ARMC8: variants seen among roughly 807,000 people sequenced by gnomAD.
ARMC8 encodes armadillo repeat containing 8.
In ARMC8, 20 loss-of-function variants were observed where a neutral mutation model predicts 99.3. The ratio of observed to expected loss-of-function variants is 0.20; its 90% CI spans 0.14 to 0.29. ARMC8 has a LOEUF of 0.29. ARMC8 is among the 10% of genes least tolerant of loss of function. The probability of loss-of-function intolerance (pLI) is 1.00; values close to 1 mark genes in which losing one functional copy is unlikely to be tolerated. For synonymous variants in ARMC8, 263 were observed against 278.3 expected (o/e 0.95, Z 0.55); for missense variants, 569 against 809.5 (o/e 0.70, Z 3.60).
At chr3:138,225,223 A>G (rs1028580110) in intron 5 of ARMC8, among the ~76,000 whole-genome samples, 4 of 147,512 alleles carry the variant, frequency 2.7e-5, no homozygotes, top group Non-Finnish European at 4.4e-5. Context: ...CTCCTGCCTC[A>G]GCCTCCCGAG....
rs533234238 is a variant in ARMC8, at chr3:138,298,224, A to G, written c.*2332A>G. On this transcript the variant is annotated 3_prime_UTR_variant, in exon 22 of 22. Transcript: ENST00000469044. ...TTTCTCCTTTTGTGCCCTGATTGTA[A>G]TCCAAAATTTATGAACTAGAAAAGA... is the stretch of plus-strand genomic sequence containing the variant. The G allele has an allele frequency of 2.6e-5, 4 of 152,306 alleles. No individual in the cohort carries two copies. The East Asian group carries it at 7.7e-4, about 29-fold the overall frequency. The allele number at this position is 152,306 out of a possible 1,614,324, so 9.4% of individuals were successfully genotyped here. A position where few individuals can be genotyped will look rare whatever the true frequency, so the allele number is the denominator to read the frequency against.
rs149272009 is a variant in ARMC8 at position 138,259,370 on chromosome 3, G to T, written c.1135-4369G>T. 4.7e-3 allele frequency among the ~76,000 whole-genome samples: 717 copies of T among 152,250 alleles called. 4 individuals carry two copies. Among genetic ancestry groups the T allele is most frequent in the Non-Finnish European group, 8.0e-3 (545 of 68,012 alleles). On this transcript the variant is annotated intron_variant, in intron 12 of 21. Coordinates refer to ENST00000469044, the MANE Select transcript of ARMC8 (RefSeq NM_001363941.2). ...CATTTTTGTCCTCATTTTTGTCAGT[G>T]TATTCACTATAGTGCCCTTTGTATC...
chr3:138,262,346 G>A (rs2047826363), intron 12 of ARMC8: 2 of 635,474 alleles, frequency 3.1e-6, no homozygotes, highest in Non-Finnish European at 5.3e-6. Flanking sequence ...TAAATGTTTT[G>A]GAAACTAAAA....
intron 12 of ARMC8, among the ~76,000 whole-genome samples, chr3:138,254,720 C>G (rs552325501): frequency 2.0e-4 from 30 of 152,154 alleles, no homozygotes; most frequent in Admixed American, 1.2e-3. Flanking sequence ...TATGTTTATA[C>G]CTTTGGTTTT....
chr3:138,193,078 C>T (rs1436711476), intron 1 of ARMC8, among the ~76,000 whole-genome samples: 2 of 151,850 alleles, frequency 1.3e-5, no homozygotes, highest in Non-Finnish European at 2.9e-5. Flanking sequence ...AAGCGATTCT[C>T]CTCTCTCAGC....
chr3:138,215,395 T>A (rs1328515195), intron 2 of ARMC8, among the ~76,000 whole-genome samples: 1 of 152,018 alleles, frequency 6.6e-6, no homozygotes, highest in Non-Finnish European at 1.5e-5. Context: ...TTTTTGTATT[T>A]TTAGTAGAGA....
intron 12 of ARMC8, chr3:138,245,681 T>G: frequency 1.0e-6 from 1 of 993,062 alleles, no homozygotes; most frequent in Non-Finnish European, 1.2e-6. Flanking sequence ...TGTGGAATGA[T>G]GATTTTATGT....
At chr3:138,265,699 G>C (rs1213408346) in intron 14 of ARMC8, among the ~76,000 whole-genome samples, 1 of 151,914 alleles carries the variant, frequency 6.6e-6, no homozygotes, top group Non-Finnish European at 1.5e-5. Context: ...GTAGGGAACG[G>C]CAAGTATACC....
intron 5 of ARMC8, among the ~76,000 whole-genome samples, chr3:138,227,615 A>G (rs1483180968): frequency 6.6e-6 from 1 of 152,232 alleles, no homozygotes; most frequent in Non-Finnish European, 1.5e-5. Flanking sequence ...TGGCTTTTAC[A>G]TATCTTGGGC....
At chr3:138,207,659 T>C (rs2044449606) in intron 1 of ARMC8, among the ~76,000 whole-genome samples, 1 of 152,214 alleles carries the variant, frequency 6.6e-6, no homozygotes, top group African/African-American at 2.4e-5. Context: ...ATAGTAGTGC[T>C]TTTTTTCAGT....
intron 12 of ARMC8, among the ~76,000 whole-genome samples, chr3:138,260,904 C>A (rs1232027491): frequency 1.3e-5 from 2 of 152,198 alleles, no homozygotes; most frequent in Non-Finnish European, 2.9e-5. Context: ...GTAACTATAT[C>A]CAGTACAGGC....
chr3:138,285,427 C>T (rs2050312938), intron 19 of ARMC8, among the ~76,000 whole-genome samples: 1 of 150,962 alleles, frequency 6.6e-6, no homozygotes, highest in South Asian at 2.1e-4. Flanking sequence ...TCTTATTCCT[C>T]TCTTCCTTTG....
In ARMC8 at chr3:138,264,146, A is replaced by G; in HGVS notation, c.1233A>G (p.Leu411=). The part of the protein sequence containing the change: ...RLAAVRCLHS[L]SRSVQQLRTS... ...TTCTTTGTAGATGTTTGCACAGTTT[A>G]TCCAGATCTGTGCAGCAGCTTCGAA... The change falls in exon 14 of 22, where the codon TTA becomes TTG. Residue 411 remains leucine, a synonymous_variant. Transcript: ENST00000469044. 1 of 1,613,510 alleles carries G rather than the reference A, an allele frequency of 6.2e-7. No homozygotes were observed. The highest frequency in any genetic ancestry group is 8.5e-7 in the Non-Finnish European group (1 of 1,179,438).
At position 138,188,505 on chromosome 3, in the gene ARMC8, A is replaced by AT. The variant is rs766758208; in HGVS notation, c.45+908dup. 3 of 1,613,940 alleles carry AT rather than the reference A, an allele frequency of 1.9e-6. No homozygotes were observed. In the Admixed American group the frequency reaches 5.0e-5, roughly 27 times the overall value. On this transcript the variant is annotated intron_variant, in intron 1 of 21. Coordinates refer to ENST00000469044, the MANE Select transcript of ARMC8 (RefSeq NM_001363941.2). ...ATAACTTCGAAGGATTTTGCAACAA[A>AT]TTCGAGCTGTCCGACTCTGAGAATG...
chr3:138,293,089 A>G (rs2051127359), intron 21 of ARMC8, among the ~76,000 whole-genome samples: 1 of 152,154 alleles, frequency 6.6e-6, no homozygotes, highest in Non-Finnish European at 1.5e-5. Context: ...GCATCTGTAG[A>G]ACACGTCACA....
intron 2 of ARMC8, among the ~76,000 whole-genome samples, chr3:138,216,941 C>T (rs1489361320): frequency 1.3e-5 from 2 of 152,120 alleles, no homozygotes; most frequent in Non-Finnish European, 2.9e-5. Flanking sequence ...AGTCAGTGAC[C>T]CTGTAAGAAT....
At chr3:138,241,634 A>G in intron 10 of ARMC8, 149 bp from the exon 11 acceptor site, 1 of 721,060 alleles carries the variant, frequency 1.4e-6, no homozygotes, top group East Asian at 2.8e-5. Flanking sequence ...TTGCATTTTA[A>G]AAAAATCTTT....
intron 12 of ARMC8, among the ~76,000 whole-genome samples, chr3:138,258,537 A>G (rs897079659): frequency 6.6e-6 from 1 of 152,200 alleles, no homozygotes; most frequent in Admixed American, 6.5e-5. Context: ...CCACCACCTT[A>G]GTATTATCTG....
chr3:138,215,740 C>T (rs953628012), intron 2 of ARMC8, among the ~76,000 whole-genome samples: 26 of 151,950 alleles, frequency 1.7e-4, no homozygotes, highest in African/African-American at 4.4e-4. Flanking sequence ...ATCCTAATTT[C>T]GGAGCCAGTA....
Sources: allele counts gnomAD v4.1 joint callset (sites outside exome capture counted in the v4.1 genomes callset), GRCh38; gene constraint gnomAD v4.1.1; transcripts MANE v1.5; gene names NCBI Gene and HGNC (gene_info 2026-07-23, HGNC 2026-07-21).